MFHAS1: variants seen among roughly 807,000 people sequenced by gnomAD.
MFHAS1 encodes multifunctional ROCO family signaling regulator 1.
MFHAS1 carries 50 observed loss-of-function variants against 70.4 expected under a neutral mutation model. The observed-to-expected ratio is 0.71, with a 90% CI of 0.57 to 0.90. MFHAS1 has a LOEUF of 0.90. Among genes scored for constraint, MFHAS1 ranks in the 40% least tolerant of loss-of-function variants. The pLI is 0.00. For missense variants in MFHAS1, 1,795 were observed against 1,347.6 expected, an observed-to-expected ratio of 1.33 and a Z score of -5.20; for synonymous variants, 952 against 620.0, an observed-to-expected ratio of 1.54 and a Z score of -7.96.
chr8:8,864,000 C>A (rs1165946775), intron 1 of MFHAS1, among the ~76,000 whole-genome samples: 1 of 152,088 alleles, frequency 6.6e-6, no homozygotes, highest in Non-Finnish European at 1.5e-5. Flanking sequence ...ACCAACTCCT[C>A]TTCCTTATAC....
At chr8:8,879,378 G>C (rs1392079934) in intron 1 of MFHAS1, among the ~76,000 whole-genome samples, 2 of 152,038 alleles carry the variant, frequency 1.3e-5, no homozygotes, top group African/African-American at 4.8e-5. Context: ...GACTCCTGAA[G>C]AAAAGGCATT....
intron 1 of MFHAS1, among the ~76,000 whole-genome samples, chr8:8,817,641 C>T (rs28702056): frequency 0.1 from 15,943 of 152,310 alleles, 1,052 homozygotes; most frequent in African/African-American, 0.18. Context: ...TCTAACCCAG[C>T]AGTCCCCAAC....
chr8:8,893,146 C>T lies in MFHAS1; in HGVS notation c.-88G>A. 1 of 875,174 alleles carries T rather than the reference C, an allele frequency of 1.1e-6. No homozygotes were observed. The highest frequency in any genetic ancestry group is 1.5e-6 in the Non-Finnish European group (1 of 662,784). 54.2% of individuals were successfully genotyped at this position (875,174 alleles called of 1,614,324 possible). A position where few individuals can be genotyped will look rare whatever the true frequency, so the allele number is the denominator to read the frequency against. ...CGCCCCGGGCCCTCCGGCTCCTGCCCCTGCCTGCCCTCCCGCGCTCGGCGG... is the reference window on the plus strand; with the variant it reads ...CGCCCCGGGCCCTCCGGCTCCTGCCTCTGCCTGCCCTCCCGCGCTCGGCGG... On this transcript the variant is annotated 5_prime_UTR_variant, in exon 1 of 3. Transcript: ENST00000276282.
Position 8,891,208 on chromosome 8 carries a change from C to T in MFHAS1, c.1851G>A (p.Arg617=), listed in dbSNP as rs749538221. 1 of 1,612,712 alleles carries T rather than the reference C, an allele frequency of 6.2e-7. No individual in the cohort carries two copies. Among genetic ancestry groups the T allele is most frequent in the African/African-American group, 1.3e-5 (1 of 74,938 alleles). The part of the protein sequence containing the change: ...KAHFQYLLNH[R]LQILSPVLPV... ...GCAACACGGGGGAGAGGATCTGCAG[C>T]CGGTGGTTGAGCAGGTATTGAAAAT... Residue 617 remains arginine, a synonymous_variant, in exon 1 of 3, where the codon CGG becomes CGA. Transcript: ENST00000276282. The surrounding 1 kb of genome is among the most constrained non-coding windows in gnomAD (Gnocchi z 5.4).
chr8:8,844,571 G>A (rs559240297), intron 1 of MFHAS1, among the ~76,000 whole-genome samples: 2 of 152,190 alleles, frequency 1.3e-5, no homozygotes, highest in Admixed American at 1.3e-4. Flanking sequence ...AGGCAGGGCT[G>A]GCTTCTGTCC....
At chr8:8,833,590 C>T (rs1287210083) in intron 1 of MFHAS1, among the ~76,000 whole-genome samples, 4 of 152,078 alleles carry the variant, frequency 2.6e-5, no homozygotes, top group South Asian at 4.1e-4. Flanking sequence ...GATTGCACGA[C>T]CACACTCTAG....
intron 1 of MFHAS1, among the ~76,000 whole-genome samples, chr8:8,858,140 G>A (rs1808515295): frequency 6.6e-6 from 1 of 152,198 alleles, no homozygotes; most frequent in Non-Finnish European, 1.5e-5. Flanking sequence ...AATTGGGACG[G>A]AGCACAGGGG....
At chr8:8,831,061 G>A (rs1018557892) in intron 1 of MFHAS1, among the ~76,000 whole-genome samples, 5 of 152,006 alleles carry the variant, frequency 3.3e-5, no homozygotes, top group African/African-American at 1.2e-4. Context: ...TGCCTGCATG[G>A]TTGGTGTCTG....
intron 1 of MFHAS1, among the ~76,000 whole-genome samples, chr8:8,838,017 C>T (rs182633714): frequency 6.6e-6 from 1 of 152,198 alleles, no homozygotes; most frequent in African/African-American, 2.4e-5. Context: ...TCACCCCAAA[C>T]TGGAAACAGC....
intron 1 of MFHAS1, among the ~76,000 whole-genome samples, chr8:8,840,461 CAAAAAAAAAAAA>C (rs141909980): frequency 2.4e-5 from 2 of 82,116 alleles, no homozygotes; most frequent in South Asian, 4.2e-4. Flanking sequence ...CATCTCAATA[CAAAAAAAAAAAA>C]AAAAAAAAAG....
At chr8:8,886,071 G>A (rs1043160441) in intron 1 of MFHAS1, among the ~76,000 whole-genome samples, 2 of 152,138 alleles carry the variant, frequency 1.3e-5, no homozygotes, top group African/African-American at 2.4e-5. Context: ...AGATAATCAC[G>A]TTGTCAGATT....
At chr8:8,793,424 G>A (rs1252888273) in intron 2 of MFHAS1, among the ~76,000 whole-genome samples, 1 of 152,174 alleles carries the variant, frequency 6.6e-6, no homozygotes, top group Admixed American at 6.5e-5. Flanking sequence ...ACCAGCCAAA[G>A]AAGAGCTTGG....
chr8:8,866,089 G>C (rs1808844665), intron 1 of MFHAS1, among the ~76,000 whole-genome samples: 3 of 152,162 alleles, frequency 2.0e-5, no homozygotes, highest in South Asian at 4.1e-4. Context: ...TCTACTCCTA[G>C]CTGAAGTGCT....
At chr8:8,799,395 G>T (rs1047877950) in intron 1 of MFHAS1, among the ~76,000 whole-genome samples, 6 of 152,186 alleles carry the variant, frequency 3.9e-5, no homozygotes, top group African/African-American at 1.4e-4. Context: ...CACAGAAAGT[G>T]AAACCATGGA....
chr8:8,828,515 G>C lies in MFHAS1; in HGVS notation c.2999-31024C>G, dbSNP rs555013607. Among the ~76,000 whole-genome samples, 6 of 152,250 alleles carry C rather than the reference G, an allele frequency of 3.9e-5. No individual in the cohort carries two copies. The East Asian group carries it at 1.2e-3, about 29-fold the overall frequency. Reference sequence around the variant, plus strand: ...CTTCACAGAAAGAAGGTAACAGCCCGGGCCCTAGTCCACATTGCTCACACC... The same window carrying C: ...CTTCACAGAAAGAAGGTAACAGCCCCGGCCCTAGTCCACATTGCTCACACC... On this transcript the variant is annotated intron_variant, in intron 1 of 2. Coordinates refer to ENST00000276282, the MANE Select transcript of MFHAS1 (RefSeq NM_004225.3).
rs1232442001 is a variant in MFHAS1 at position 8,783,970 on chromosome 8, T to C, written c.*2052A>G. On this transcript the variant is annotated 3_prime_UTR_variant, in exon 3 of 3. Coordinates refer to ENST00000276282, the MANE Select transcript of MFHAS1 (RefSeq NM_004225.3). The stretch of plus-strand genomic sequence containing the variant: ...GTGACACCAAGGTTTCCTCTGACAC[T>C]GCTTCTCTAGGGTTCAGATGACAGC... The C allele has an allele frequency of 1.3e-5, 2 of 152,166 alleles. No homozygotes were observed. Among genetic ancestry groups the C allele is most frequent in the African/African-American group, 4.8e-5 (2 of 41,426 alleles). The allele number at this position is 152,166 out of a possible 1,614,324, so 9.4% of individuals were successfully genotyped here.
chr8:8,806,135 T>C (rs1243687908), intron 1 of MFHAS1, among the ~76,000 whole-genome samples: 1 of 152,206 alleles, frequency 6.6e-6, no homozygotes, highest in Non-Finnish European at 1.5e-5. Flanking sequence ...CTGTTTCTAA[T>C]ACCTGCAACA....
At chr8:8,810,568 C>T (rs1004213584) in intron 1 of MFHAS1, among the ~76,000 whole-genome samples, 10 of 152,198 alleles carry the variant, frequency 6.6e-5, no homozygotes, top group African/African-American at 2.4e-4. Flanking sequence ...TTCCACTGAA[C>T]AGTAAATACA....
Position 8,892,587 on chromosome 8 carries a change from C to T in MFHAS1, c.472G>A (p.Ala158Thr). 6.2e-7 allele frequency: 1 copy of T among 1,608,338 alleles called. No homozygotes were observed. Among genetic ancestry groups the T allele is most frequent in the Non-Finnish European group, 8.5e-7 (1 of 1,177,904 alleles). Residue 158 changes from alanine to threonine, a missense_variant, in exon 1 of 3, where the codon GCT (alanine) becomes ACT (threonine). By Grantham distance (58) the Ala-to-Thr change is moderately conservative (BLOSUM62 0). Coordinates refer to ENST00000276282, the MANE Select transcript of MFHAS1 (RefSeq NM_004225.3). The surrounding 1 kb of genome is among the most constrained non-coding windows in gnomAD (Gnocchi z 4.7). ...CTGACATCCAGCTCCTCCAGGTGAG[C>T]GAGAGCGCCCAGCTGGGCGGGCAGG... ...PALPAQLGAL[A>T]HLEELDVSFN... is the part of the protein sequence containing the mutation.
Sources: gnomAD v4.1 joint callset for allele counts (sites outside exome capture counted in the v4.1 genomes callset) on GRCh38, gnomAD v4.1.1 for gene constraint, Gnocchi (gnomAD v3.1) non-coding constraint, MANE v1.5 for transcripts, NCBI Gene and HGNC (gene_info 2026-07-23, HGNC 2026-07-21) for gene names.